Variants in XRCC4 observed in about 807,000 individuals in gnomAD.
The protein encoded by XRCC4 is X-ray repair cross complementing 4.
In XRCC4, 28 loss-of-function variants were observed where a neutral mutation model predicts 39.1. The ratio of observed to expected loss-of-function variants is 0.72; its 90% CI spans 0.53 to 0.98. The LOEUF (loss-of-function observed/expected upper bound fraction) is 0.98. XRCC4 is among the 50% of genes least tolerant of loss of function. XRCC4 has a pLI of 0.00. For missense variants in XRCC4, 350 were observed against 376.4 expected (o/e 0.93, Z 0.58); for synonymous variants, 123 against 126.4 (o/e 0.97, Z 0.18).
intron 7 of XRCC4, among the ~76,000 whole-genome samples, chr5:83,267,591 T>C (rs1754000347): frequency 6.6e-6 from 1 of 152,112 alleles, no homozygotes; most frequent in Non-Finnish European, 1.5e-5. Flanking sequence ...AAGGAAACCA[T>C]GGTAGGAGAT....
intron 7 of XRCC4, among the ~76,000 whole-genome samples, chr5:83,291,411 T>A (rs1037534569): frequency 9.2e-5 from 14 of 151,888 alleles, no homozygotes; most frequent in Non-Finnish European, 4.4e-5. Context: ...TTCTATAAAA[T>A]TTGCCTGTTT....
chr5:83,158,461 CTT>C (rs1410728324), intron 3 of XRCC4, among the ~76,000 whole-genome samples: 3 of 151,982 alleles, frequency 2.0e-5, no homozygotes, highest in Admixed American at 6.6e-5. Flanking sequence ...ATGAAAGATA[CTT>C]TGAGTATATT....
At chr5:83,182,373 T>C (rs2112655418) in intron 3 of XRCC4, among the ~76,000 whole-genome samples, 1 of 152,306 alleles carries the variant, frequency 6.6e-6, no homozygotes, top group East Asian at 1.9e-4. Context: ...TGTATTAATT[T>C]ATCTTCTAAT....
In XRCC4 at chr5:83,196,488, A is replaced by G. The variant is rs576896676; in HGVS notation, c.482+552A>G. On this transcript the variant is annotated intron_variant, in intron 4 of 7. Coordinates refer to ENST00000396027, the MANE Select transcript of XRCC4 (RefSeq NM_003401.5). ...TATTTTTATGGCTTTGCCTCTTTTT[A>G]AATGAGGAAGAAAAAAATAATTTTT... Among the ~76,000 whole-genome samples, 131 of 152,150 alleles carry G rather than the reference A, an allele frequency of 8.6e-4. No individual in the cohort carries two copies. In the Middle Eastern group the frequency reaches 0.01, roughly 12 times the overall value.
chr5:83,169,760 G>GA lies in XRCC4; in HGVS notation c.316-26001dup, dbSNP rs199597233. On this transcript the variant is annotated intron_variant, in intron 3 of 7. Coordinates refer to ENST00000396027, the MANE Select transcript of XRCC4 (RefSeq NM_003401.5). Reference sequence around the variant, plus strand: ...GTTAGTGTGCAGTATGACTTTGAGAGAAAAAAAAATCCTTTTCATTTTAGG... The same window carrying GA: ...GTTAGTGTGCAGTATGACTTTGAGAGAAAAAAAAAATCCTTTTCATTTTAGG... 8.6e-3 allele frequency among the ~76,000 whole-genome samples: 1,292 copies of GA among 150,526 alleles called. 8 individuals are homozygous for GA. Among genetic ancestry groups the GA allele is most frequent in the Middle Eastern group, 0.024 (7 of 294 alleles).
At chr5:83,263,276 G>A (rs1227867653) in intron 7 of XRCC4, among the ~76,000 whole-genome samples, 1 of 151,778 alleles carries the variant, frequency 6.6e-6, no homozygotes, top group Non-Finnish European at 1.5e-5. Context: ...CCAAGTCTTT[G>A]CTATTGTGAA....
At chr5:83,200,792 A>G (rs1751156025) in intron 4 of XRCC4, among the ~76,000 whole-genome samples, 1 of 152,150 alleles carries the variant, frequency 6.6e-6, no homozygotes, top group Non-Finnish European at 1.5e-5. Flanking sequence ...GTATGTTATT[A>G]TATACTCAGG....
intron 7 of XRCC4, among the ~76,000 whole-genome samples, chr5:83,286,718 T>C (rs1446061099): frequency 6.6e-6 from 1 of 152,112 alleles, no homozygotes; most frequent in Non-Finnish European, 1.5e-5. Context: ...TTTTATTGAA[T>C]AACTAGGTAC....
intron 1 of XRCC4, among the ~76,000 whole-genome samples, chr5:83,086,166 G>A (rs1406274538): frequency 1.3e-5 from 2 of 152,178 alleles, no homozygotes; most frequent in South Asian, 4.1e-4. Context: ...TATTGTATGA[G>A]TTCTTAGAAG....
chr5:83,132,113 A>G (rs543894986), intron 3 of XRCC4, among the ~76,000 whole-genome samples: 1 of 152,178 alleles, frequency 6.6e-6, no homozygotes, highest in Admixed American at 6.5e-5. Flanking sequence ...TTGTCTGTAA[A>G]GTATTTTATT....
At chr5:83,326,296 C>T (rs570773924) in intron 7 of XRCC4, among the ~76,000 whole-genome samples, 2 of 152,104 alleles carry the variant, frequency 1.3e-5, no homozygotes, top group South Asian at 4.1e-4. Flanking sequence ...GTTGCAATTG[C>T]TTTTGGAGTC....
intron 7 of XRCC4, among the ~76,000 whole-genome samples, chr5:83,341,206 AAAC>A (rs1045275802): frequency 4.0e-4 from 61 of 152,070 alleles, no homozygotes; most frequent in Non-Finnish European, 7.1e-4. Flanking sequence ...TAAAAAAAAA[AAAC>A]AACAACAGTT....
chr5:83,254,578 T>C (rs1055302340), intron 6 of XRCC4, among the ~76,000 whole-genome samples: 25 of 152,160 alleles, frequency 1.6e-4, no homozygotes, highest in African/African-American at 5.8e-4. Context: ...ATGAATATTA[T>C]AGACATTTTT....
In XRCC4 at chr5:83,282,609, C is replaced by T. The variant is rs183926133; in HGVS notation, c.893+23932C>T. Among the ~76,000 whole-genome samples, 1,517 of 151,772 alleles carry T rather than the reference C, an allele frequency of 1.0e-2. 25 individuals carry two copies. Among genetic ancestry groups the T allele is most frequent in the African/African-American group, 0.034 (1,413 of 41,404 alleles). On this transcript the variant is annotated intron_variant, in intron 7 of 7. Coordinates refer to ENST00000396027, the MANE Select transcript of XRCC4 (RefSeq NM_003401.5). ...CTGTAATCCCAGCACTTTGGGAGGC[C>T]AAGGCAGGTGGATCACGAGGTCAGA...
chr5:83,261,396 A>C (rs985372977), intron 7 of XRCC4, among the ~76,000 whole-genome samples: 1 of 152,098 alleles, frequency 6.6e-6, no homozygotes, highest in African/African-American at 2.4e-5. Flanking sequence ...AAACGCAGAT[A>C]TGGTTAGTTT....
intron 7 of XRCC4, among the ~76,000 whole-genome samples, chr5:83,298,634 C>T (rs1755173524): frequency 6.6e-6 from 1 of 151,730 alleles, no homozygotes; most frequent in Non-Finnish European, 1.5e-5. Flanking sequence ...ATCTCTCTGG[C>T]ATAGTACATT....
At chr5:83,184,522 T>G (rs991283319) in intron 3 of XRCC4, among the ~76,000 whole-genome samples, 1 of 152,114 alleles carries the variant, frequency 6.6e-6, no homozygotes, top group Non-Finnish European at 1.5e-5. Context: ...TTAGTTTTTT[T>G]GGAGAATGTT....
chr5:83,366,030 A>T, the XRCC4 span, among the ~76,000 whole-genome samples: 1 of 152,178 alleles, frequency 6.6e-6, no homozygotes, highest in African/African-American at 2.4e-5. Context: ...ACCACTGGTG[A>T]TATACCTTCA....
At chr5:83,309,688 C>T (rs777841953) in intron 7 of XRCC4, among the ~76,000 whole-genome samples, 61 of 146,134 alleles carry the variant, frequency 4.2e-4, no homozygotes, top group Non-Finnish European at 5.5e-4. Flanking sequence ...GGCGTGAACC[C>T]GGGAGGCGGA....
Sources: allele counts gnomAD v4.1 joint callset (sites outside exome capture counted in the v4.1 genomes callset), GRCh38; gene constraint gnomAD v4.1.1; transcripts MANE v1.5; gene names NCBI Gene and HGNC (gene_info 2026-07-23, HGNC 2026-07-21).